Variants in BLTP3B observed in about 807,000 individuals in gnomAD.
BLTP3B encodes the protein bridge-like lipid transfer protein family member 3B.
the BLTP3B span, among the ~76,000 whole-genome samples, chr12:100,107,263 G>A: frequency 7.6e-6 from 1 of 130,828 alleles, no homozygotes; most frequent in East Asian, 2.2e-4. Context: ...ACTCCAGCCT[G>A]GGTGACAGAG....
the BLTP3B span, among the ~76,000 whole-genome samples, chr12:100,102,285 G>A: frequency 5.3e-5 from 8 of 151,698 alleles, no homozygotes; most frequent in South Asian, 2.1e-4. Context: ...AAAGTTTTTT[G>A]TATTTTAGTA....
At chr12:100,081,263 G>A in the BLTP3B span, among the ~76,000 whole-genome samples, 1 of 152,108 alleles carries the variant, frequency 6.6e-6, no homozygotes, top group Non-Finnish European at 1.5e-5. Flanking sequence ...CTCTTCCTAT[G>A]GCTGGTTGTA....
chr12:100,077,005 A>G, the BLTP3B span, among the ~76,000 whole-genome samples: 105 of 152,270 alleles, frequency 6.9e-4, no homozygotes, highest in African/African-American at 2.3e-3. Flanking sequence ...ATGTGGGATT[A>G]TAAGTGATTC....
the BLTP3B span, chr12:100,037,776 G>T: frequency 6.4e-7 from 1 of 1,564,546 alleles, no homozygotes; most frequent in Non-Finnish European, 8.6e-7. Flanking sequence ...AAATGGCGGG[G>T]GGATAAGATA....
chr12:100,080,546 G>A, the BLTP3B span, among the ~76,000 whole-genome samples: 4,001 of 152,234 alleles, frequency 0.026, 167 homozygotes, highest in African/African-American at 0.089. Context: ...GCTGGATTTC[G>A]GATTTGCATG....
At chr12:100,068,919 G>GA in the BLTP3B span, among the ~76,000 whole-genome samples, 1 of 152,170 alleles carries the variant, frequency 6.6e-6, no homozygotes, top group Non-Finnish European at 1.5e-5. Context: ...AACCACTATG[G>GA]AAAACAGTGT....
the BLTP3B span, chr12:100,108,568 G>T: frequency 4.4e-6 from 7 of 1,582,756 alleles, no homozygotes; most frequent in South Asian, 1.2e-5. Flanking sequence ...AATACACATT[G>T]ACATTTATTT....
chr12:100,095,843 G>C, the BLTP3B span: 1 of 1,562,782 alleles, frequency 6.4e-7, no homozygotes, highest in Non-Finnish European at 8.6e-7. Context: ...TTTAACTGTA[G>C]GAAAAAAAAA....
At chr12:100,122,570 C>CAT in the BLTP3B span, among the ~76,000 whole-genome samples, 1 of 152,210 alleles carries the variant, frequency 6.6e-6, no homozygotes, top group African/African-American at 2.4e-5. Context: ...TAAGACTTAG[C>CAT]ATATATTCCA....
At chr12:100,062,030 G>C in the BLTP3B span, among the ~76,000 whole-genome samples, 1 of 152,074 alleles carries the variant, frequency 6.6e-6, no homozygotes, top group African/African-American at 2.4e-5. Context: ...TATAAGAACC[G>C]AACAGGAGGG....
At chr12:100,050,930 G>T in the BLTP3B span, 1 of 1,049,692 alleles carries the variant, frequency 9.5e-7, no homozygotes, top group Non-Finnish European at 1.3e-6. Context: ...ATTGGGGGGA[G>T]GCATTTTCAA....
the BLTP3B span, among the ~76,000 whole-genome samples, chr12:100,099,927 C>CAA: frequency 8.3e-4 from 103 of 123,426 alleles, 1 homozygote; most frequent in East Asian, 8.5e-3. Flanking sequence ...GATCACATTT[C>CAA]AAAAAAAAAA....
chr12:100,094,286 AT>A, the BLTP3B span, among the ~76,000 whole-genome samples: 1 of 152,040 alleles, frequency 6.6e-6, no homozygotes, highest in Non-Finnish European at 1.5e-5. Flanking sequence ...TGATTTTTAA[AT>A]TTTTTGTAGA....
chr12:100,099,927 CA>C, the BLTP3B span, among the ~76,000 whole-genome samples: 26 of 123,384 alleles, frequency 2.1e-4, no homozygotes, highest in African/African-American at 3.1e-4. Context: ...GATCACATTT[CA>C]AAAAAAAAAA....
the BLTP3B span, chr12:100,095,852 AAT>A: frequency 1.9e-6 from 3 of 1,559,254 alleles, no homozygotes; most frequent in Non-Finnish European, 2.6e-6. Context: ...AGGAAAAAAA[AAT>A]GTTTTATAAA....
the BLTP3B span, chr12:100,058,838 T>C: frequency 6.2e-7 from 1 of 1,613,940 alleles, no homozygotes; most frequent in South Asian, 1.1e-5. Context: ...TACTGACATG[T>C]TTATGAACAT....
chr12:100,117,771 G>C, the BLTP3B span, among the ~76,000 whole-genome samples: 1 of 152,222 alleles, frequency 6.6e-6, no homozygotes, highest in Non-Finnish European at 1.5e-5. Flanking sequence ...AAAGTGCTGG[G>C]ATTACAGGCA....
the BLTP3B span, chr12:100,128,511 C>A: frequency 1.9e-6 from 2 of 1,055,676 alleles, no homozygotes; most frequent in South Asian, 4.5e-5. Flanking sequence ...TATCTTTATG[C>A]AGGGCATATT....
At chr12:100,092,385 G>C in the BLTP3B span, among the ~76,000 whole-genome samples, 1 of 152,144 alleles carries the variant, frequency 6.6e-6, no homozygotes. Context: ...AAATATTATG[G>C]AGCAACAAAA....
Sources: gnomAD v4.1 joint callset for allele counts (sites outside exome capture counted in the v4.1 genomes callset) on GRCh38, gnomAD v4.1.1 for gene constraint, MANE v1.5 for transcripts, NCBI Gene and HGNC (gene_info 2026-07-23, HGNC 2026-07-21) for gene names.